SNX16: variants seen among roughly 807,000 people sequenced by gnomAD.
The protein encoded by SNX16 is sorting nexin-16.
SNX16 carries 35 observed loss-of-function variants against 36.7 expected under a neutral mutation model. That is an observed-to-expected ratio of 0.95 (90% confidence interval 0.73 to 1.27). The LOEUF (loss-of-function observed/expected upper bound fraction) is 1.27, where lower values mean the gene tolerates loss of function less well. SNX16 is among the 50% of genes most tolerant of loss of function. The pLI is 0.00. For synonymous variants in SNX16, 134 were observed against 132.0 expected (o/e 1.02, Z -0.10); for missense variants, 367 against 393.6 (o/e 0.93, Z 0.57).
chr8:81,840,303 C>T (rs1315804373), intron 1 of SNX16: 1 of 219,108 alleles, frequency 4.6e-6, no homozygotes, highest in Admixed American at 5.1e-5. Context: ...CATGTTATCC[C>T]TTTTTCCTCT....
At position 81,802,513 on chromosome 8, in the gene SNX16, A is replaced by G. The variant is rs1345691458; in HGVS notation, c.819-14T>C. On this transcript the variant is annotated splice_polypyrimidine_tract_variant and intron_variant, in intron 6 of 7. Coordinates refer to ENST00000345957, the MANE Select transcript of SNX16 (RefSeq NM_152836.3). ...AAAGACAATGTTCTAAAAGTATGTTATAGCAACAAGTTATTTTCTATGAAC... is the reference window on the plus strand; with the variant it reads ...AAAGACAATGTTCTAAAAGTATGTTGTAGCAACAAGTTATTTTCTATGAAC... 6.3e-7 allele frequency: 1 copy of G among 1,596,122 alleles called. No individual in the cohort carries two copies. The highest frequency in any genetic ancestry group is 2.3e-5 in the East Asian group (1 of 44,242).
intron 2 of SNX16, among the ~76,000 whole-genome samples, chr8:81,837,310 T>C (rs985961331): frequency 6.6e-6 from 1 of 152,244 alleles, no homozygotes; most frequent in African/African-American, 2.4e-5. Flanking sequence ...TTCATATCTG[T>C]CATTTACTTC....
chr8:81,820,155 A>G (rs1477797485), intron 4 of SNX16, among the ~76,000 whole-genome samples: 1 of 152,066 alleles, frequency 6.6e-6, no homozygotes, highest in African/African-American at 2.4e-5. Flanking sequence ...TTATGTAGTG[A>G]TTCTTACAAG....
intron 5 of SNX16, among the ~76,000 whole-genome samples, chr8:81,814,211 T>C (rs1727495007): frequency 1.3e-5 from 2 of 152,008 alleles, no homozygotes; most frequent in South Asian, 4.1e-4. Context: ...ATGTGGTATA[T>C]GCAAACAATG....
chr8:81,823,753 G>C, intron 4 of SNX16, 39 bp downstream of exon 4: 3 of 1,517,800 alleles, frequency 2.0e-6, no homozygotes, highest in Non-Finnish European at 2.7e-6. Context: ...CCAGTTATTG[G>C]AATGCTTTTA....
At chr8:81,809,936 A>C (rs916648286) in intron 5 of SNX16, among the ~76,000 whole-genome samples, 8 of 152,182 alleles carry the variant, frequency 5.3e-5, no homozygotes, top group African/African-American at 1.7e-4. Flanking sequence ...TAGAATAGTC[A>C]TTGGAAGGCT....
At chr8:81,821,431 C>G (rs1810735427) in intron 4 of SNX16, among the ~76,000 whole-genome samples, 1 of 151,440 alleles carries the variant, frequency 6.6e-6, no homozygotes, top group Non-Finnish European at 1.5e-5. Context: ...GTTTACCGAA[C>G]AAGGGACAAG....
Position 81,799,780 on chromosome 8 carries a change from G to T in SNX16, c.*1717C>A, listed in dbSNP as rs943933322. On this transcript the variant is annotated 3_prime_UTR_variant, in exon 8 of 8. Coordinates refer to ENST00000345957, the MANE Select transcript of SNX16 (RefSeq NM_152836.3). Reference sequence around the variant, plus strand: ...AAAGTGGCTGGTTCGCTTTAGAACAGACAGGCAACACTATAATATCTAGAA... The same window carrying T: ...AAAGTGGCTGGTTCGCTTTAGAACATACAGGCAACACTATAATATCTAGAA... 1.3e-5 allele frequency: 2 copies of T among 151,948 alleles called. No homozygotes were observed. Among genetic ancestry groups the T allele is most frequent in the Non-Finnish European group, 2.9e-5 (2 of 67,844 alleles). The allele number at this position is 151,948 out of a possible 1,614,324, so 9.4% of individuals were successfully genotyped here. A position where few individuals can be genotyped will look rare whatever the true frequency, so the allele number is the denominator to read the frequency against.
intron 5 of SNX16, chr8:81,814,723 G>GC (rs1810403135): frequency 1.3e-5 from 2 of 152,078 alleles, no homozygotes; most frequent in Middle Eastern, 3.2e-3. Context: ...CAGCTTGAAT[G>GC]AAAACATTAC....
Position 81,800,255 on chromosome 8 carries a change from CATG to C in SNX16, c.*1239_*1241del. On this transcript the variant is annotated 3_prime_UTR_variant, in exon 8 of 8. Transcript: ENST00000345957. Reference sequence around the variant, plus strand: ...ACCGACTGGGATTGCAAAATGCCAGCATGATTACAATGCTTATTAACAGCAATA... The same window carrying C: ...ACCGACTGGGATTGCAAAATGCCAGCATTACAATGCTTATTAACAGCAATA... 6.6e-6 allele frequency: 1 copy of C among 151,782 alleles called. No individual in the cohort carries two copies. The highest frequency in any genetic ancestry group is 2.1e-4 in the South Asian group (1 of 4,818). 9.4% of individuals were successfully genotyped at this position (151,782 alleles called of 1,614,324 possible). A position where few individuals can be genotyped will look rare whatever the true frequency, so the allele number is the denominator to read the frequency against.
chr8:81,828,693 A>T (rs1036402256), intron 3 of SNX16, among the ~76,000 whole-genome samples: 35 of 152,310 alleles, frequency 2.3e-4, no homozygotes, highest in African/African-American at 7.9e-4. Context: ...GGTGAGCCTT[A>T]TCTTACCACC....
In SNX16 at chr8:81,800,603, T is replaced by A. The variant is rs1809641381; in HGVS notation, c.*894A>T. ...AACAACATCTTCACACAAATAGAAA[T>A]AAAAATGCAATGTCAGGAGTCAAGC... On this transcript the variant is annotated 3_prime_UTR_variant, in exon 8 of 8. Transcript: ENST00000345957. The A allele has an allele frequency of 6.6e-6, 1 of 152,218 alleles. No homozygotes were observed. The highest frequency in any genetic ancestry group is 1.5e-5 in the Non-Finnish European group (1 of 67,708). 9.4% of individuals were successfully genotyped at this position (152,218 alleles called of 1,614,324 possible).
At chr8:81,802,687 A>T (rs991833755) in intron 6 of SNX16, among the ~76,000 whole-genome samples, 188 bp from the exon 7 acceptor site, 2 of 151,852 alleles carry the variant, frequency 1.3e-5, no homozygotes, top group Non-Finnish European at 3.0e-5. Flanking sequence ...AAATGACTTT[A>T]GTATCAATTC....
In SNX16 at chr8:81,839,761, T is replaced by C; in HGVS notation, c.226A>G (p.Lys76Glu). 6.2e-7 allele frequency: 1 copy of C among 1,613,808 alleles called. No individual in the cohort carries two copies. Among genetic ancestry groups the C allele is most frequent in the Non-Finnish European group, 8.5e-7 (1 of 1,179,690 alleles). The change falls in exon 2 of 8, where the codon AAA (lysine) becomes GAA (glutamate). Residue 76 changes from lysine to glutamate, a missense_variant. Coordinates refer to ENST00000345957, the MANE Select transcript of SNX16 (RefSeq NM_152836.3). ...SVCSSPLIRTKFTGTASSIEY... is the reference protein window; with the variant it reads ...SVCSSPLIRTEFTGTASSIEY... ...ATGGAAGAAGCTGTACCTGTAAATT[T>C]AGTCCTAATGAGGGGACTGCTACAG...
intron 2 of SNX16, among the ~76,000 whole-genome samples, chr8:81,831,658 A>C (rs1811272916): frequency 6.7e-6 from 1 of 149,692 alleles, no homozygotes; most frequent in Non-Finnish European, 1.5e-5. Context: ...AGATCACACC[A>C]CTGCACTCTA....
At chr8:81,809,676 A>C (rs1047111790) in intron 5 of SNX16, among the ~76,000 whole-genome samples, 18 of 152,236 alleles carry the variant, frequency 1.2e-4, no homozygotes, top group Non-Finnish European at 2.4e-4. Context: ...TAAAAGATTG[A>C]CAATACTTGT....
At chr8:81,822,161 G>C (rs1442948335) in intron 4 of SNX16, among the ~76,000 whole-genome samples, 1 of 152,086 alleles carries the variant, frequency 6.6e-6, no homozygotes, top group Non-Finnish European at 1.5e-5. Context: ...GTGTTTGGTG[G>C]TGGTGGTAGT....
At chr8:81,810,210 GTAATAGA>G (rs1810172231) in intron 5 of SNX16, among the ~76,000 whole-genome samples, 2 of 151,988 alleles carry the variant, frequency 1.3e-5, no homozygotes, top group Admixed American at 1.3e-4. Flanking sequence ...CTCCATACAA[GTAATAGA>G]TTTGAATTTT....
chr8:81,837,857 G>A (rs201031627), intron 2 of SNX16, among the ~76,000 whole-genome samples: 1 of 152,144 alleles, frequency 6.6e-6, no homozygotes, highest in East Asian at 1.9e-4. Flanking sequence ...AGAGTTCCCT[G>A]AAGATTTCCT....
Sources: gnomAD v4.1 joint callset for allele counts (sites outside exome capture counted in the v4.1 genomes callset) on GRCh38, gnomAD v4.1.1 for gene constraint, MANE v1.5 for transcripts, NCBI Gene and HGNC (gene_info 2026-07-23, HGNC 2026-07-21) for gene names.